The following MITF variants were observed in gnomAD, a reference collection of about 807,000 sequenced individuals.
The protein encoded by MITF is melanocyte inducing transcription factor.
In MITF, 17 loss-of-function variants were observed where a neutral mutation model predicts 60.5. That is an observed-to-expected ratio of 0.28 (90% CI 0.19 to 0.42). The LOEUF is 0.42. Among genes scored for constraint, MITF ranks in the 10% least tolerant of loss-of-function variants. The pLI, the probability that MITF is intolerant of heterozygous loss-of-function variation, is 1.00. For synonymous variants in MITF, 260 were observed against 248.5 expected (o/e 1.05, Z -0.43); for missense variants, 622 against 683.5 (o/e 0.91, Z 1.00).
At chr3:69,754,986 T>C (rs536892553) in intron 1 of MITF, among the ~76,000 whole-genome samples, 1 of 152,054 alleles carries the variant, frequency 6.6e-6, no homozygotes. Flanking sequence ...GGAGGGTAAA[T>C]AGTCTTTAAG....
chr3:69,745,388 A>G (rs1575656233), intron 1 of MITF, among the ~76,000 whole-genome samples: 1 of 152,144 alleles, frequency 6.6e-6, no homozygotes, highest in East Asian at 1.9e-4. Context: ...GGGTCCAGCT[A>G]ATTATACAAG....
chr3:69,921,177 G>C (rs2065459642), intron 2 of MITF, among the ~76,000 whole-genome samples: 1 of 152,134 alleles, frequency 6.6e-6, no homozygotes, highest in Admixed American at 6.5e-5. Flanking sequence ...CGGCTGATTT[G>C]CTGTTTTATC....
intron 1 of MITF, among the ~76,000 whole-genome samples, chr3:69,764,504 C>T (rs2062260106): frequency 6.6e-6 from 1 of 152,116 alleles, no homozygotes; most frequent in Non-Finnish European, 1.5e-5. Flanking sequence ...CTTTGTCTTG[C>T]AGTTTAAACA....
At chr3:69,802,683 CTTTTTTTTTTTT>C (rs34396439) in intron 1 of MITF, among the ~76,000 whole-genome samples, 2 of 66,212 alleles carry the variant, frequency 3.0e-5, no homozygotes, top group Non-Finnish European at 5.3e-5. Flanking sequence ...AGTCCATATT[CTTTTTTTTTTTT>C]TTTTTTTTTT....
intron 5 of MITF, 23 bp downstream of exon 5, chr3:69,941,354 T>C (rs764789771): frequency 6.7e-7 from 1 of 1,497,738 alleles, no homozygotes; most frequent in Non-Finnish European, 9.3e-7. Context: ...TTTTTTTAAG[T>C]AGAAAATCTT....
intron 8 of MITF, among the ~76,000 whole-genome samples, chr3:69,956,926 G>T (rs2066413911): frequency 6.6e-6 from 1 of 152,130 alleles, no homozygotes; most frequent in African/African-American, 2.4e-5. Flanking sequence ...CTCTAAATAG[G>T]CACTGATGAA....
At chr3:69,917,130 G>C (rs913517284) in intron 2 of MITF, among the ~76,000 whole-genome samples, 2 of 152,098 alleles carry the variant, frequency 1.3e-5, no homozygotes, top group East Asian at 3.9e-4. Flanking sequence ...ACATTTAGAG[G>C]CTTAAATCGA....
chr3:69,751,372 G>A (rs944631063), intron 1 of MITF, among the ~76,000 whole-genome samples: 3 of 152,022 alleles, frequency 2.0e-5, no homozygotes, highest in East Asian at 1.9e-4. Context: ...TAATGGAATC[G>A]TTCCCCTTGT....
intron 1 of MITF, among the ~76,000 whole-genome samples, chr3:69,833,127 A>T (rs755211387): frequency 1.3e-4 from 19 of 151,108 alleles, no homozygotes; most frequent in South Asian, 4.2e-4. Flanking sequence ...CCCTGTTTAC[A>T]CTGTATGTGG....
chr3:69,904,531 G>A (rs1178437047), intron 2 of MITF, among the ~76,000 whole-genome samples: 2 of 152,066 alleles, frequency 1.3e-5, no homozygotes, highest in Non-Finnish European at 2.9e-5. Context: ...CATGTGAAGT[G>A]CCCCAAGGTT....
At chr3:69,880,648 G>A (rs1271122009) in intron 2 of MITF, among the ~76,000 whole-genome samples, 3 of 151,912 alleles carry the variant, frequency 2.0e-5, no homozygotes, top group Non-Finnish European at 4.4e-5. Context: ...GAATCTTTCT[G>A]TTCTGCTTGG....
chr3:69,741,291 C>A (rs1198909242), intron 1 of MITF, among the ~76,000 whole-genome samples: 1 of 152,148 alleles, frequency 6.6e-6, no homozygotes, highest in Non-Finnish European at 1.5e-5. Flanking sequence ...TTTTACTGGG[C>A]AGTCTCTGCT....
At chr3:69,779,824 T>C (rs1260619949) in intron 1 of MITF, among the ~76,000 whole-genome samples, 2 of 152,176 alleles carry the variant, frequency 1.3e-5, no homozygotes, top group African/African-American at 2.4e-5. Context: ...TTTAGTATAA[T>C]TCACAACCGG....
intron 1 of MITF, among the ~76,000 whole-genome samples, chr3:69,877,400 G>A (rs1168692056): frequency 6.6e-6 from 1 of 151,172 alleles, no homozygotes; most frequent in East Asian, 1.9e-4. Context: ...CAGCAATGGT[G>A]TAGAGTAACA....
At chr3:69,870,746 G>C (rs1467192038) in intron 1 of MITF, among the ~76,000 whole-genome samples, 1 of 152,074 alleles carries the variant, frequency 6.6e-6, no homozygotes, top group African/African-American at 2.4e-5. Flanking sequence ...TGGCACTTCT[G>C]TTATCTACTT....
chr3:69,886,414 C>A (rs534841829), intron 2 of MITF, among the ~76,000 whole-genome samples: 1 of 152,130 alleles, frequency 6.6e-6, no homozygotes, highest in African/African-American at 2.4e-5. Flanking sequence ...GTAGGATAAG[C>A]CTTATTTTCC....
chr3:69,885,893 G>T (rs755444871), intron 2 of MITF, among the ~76,000 whole-genome samples: 1 of 152,072 alleles, frequency 6.6e-6, no homozygotes, highest in Non-Finnish European at 1.5e-5. Flanking sequence ...GAACAATCAT[G>T]ATCAGCAAGT....
At chr3:69,894,432 C>A (rs2064828187) in intron 2 of MITF, among the ~76,000 whole-genome samples, 1 of 152,092 alleles carries the variant, frequency 6.6e-6, no homozygotes, top group Admixed American at 6.5e-5. Context: ...ACGCCTGTAA[C>A]CCCAGTGCTT....
intron 1 of MITF, among the ~76,000 whole-genome samples, chr3:69,826,271 T>C (rs938799339): frequency 1.3e-5 from 2 of 152,220 alleles, no homozygotes; most frequent in African/African-American, 4.8e-5. Context: ...GCCTGTCTTG[T>C]CCTTTATAGA....
Sources: allele counts gnomAD v4.1 joint callset (sites outside exome capture counted in the v4.1 genomes callset), GRCh38; gene constraint gnomAD v4.1.1; transcripts MANE v1.5; gene names NCBI Gene and HGNC (gene_info 2026-07-23, HGNC 2026-07-21).